The following HECTD4 variants were observed in gnomAD, a reference collection of about 807,000 sequenced individuals.
HECTD4 encodes probable E3 ubiquitin-protein ligase HECTD4.
Under a neutral mutation model 471.5 loss-of-function variants are expected in HECTD4, and 114 were observed. That is an observed-to-expected ratio of 0.24 (90% CI 0.21 to 0.28). The LOEUF is 0.28. HECTD4 is among the 10% of genes least tolerant of loss of function. The pLI is 1.00. For synonymous variants in HECTD4, 2,012 were observed against 2,256.0 expected (o/e 0.89, Z 3.07); for missense variants, 3,866 against 5,651.5 (o/e 0.68, Z 10.13).
chr12:112,300,647 GA>G (rs2035143949), intron 7 of HECTD4, among the ~76,000 whole-genome samples: 1 of 152,048 alleles, frequency 6.6e-6, no homozygotes, highest in Non-Finnish European at 1.5e-5. Context: ...ACTCATGCTG[GA>G]ATGCAGTGGT....
chr12:112,215,564 A>C (rs1314431434), intron 48 of HECTD4, among the ~76,000 whole-genome samples: 2 of 152,310 alleles, frequency 1.3e-5, no homozygotes, highest in African/African-American at 4.8e-5. Flanking sequence ...TGTCTATGTG[A>C]CTGAAACATA....
rs926638485 is a variant in HECTD4 at position 112,230,679 on chromosome 12, G to T, written c.6336+8C>A. Reference sequence around the variant, plus strand: ...ATTTTCTCAGTTGAGTAGCAACACTGCGCTAACCTTCTCTGCTGTTGTGGT... The same window carrying T: ...ATTTTCTCAGTTGAGTAGCAACACTTCGCTAACCTTCTCTGCTGTTGTGGT... On this transcript the variant is annotated splice_region_variant and intron_variant, in intron 40 of 75. Transcript: ENST00000682272. 8 of 1,606,498 alleles carry T rather than the reference G, an allele frequency of 5.0e-6. No individual in the cohort carries two copies. In the African/African-American group the frequency reaches 9.4e-5, roughly 19 times the overall value.
rs772548559 is a variant in HECTD4, at chr12:112,193,165, T to C, written c.8982A>G (p.Glu2994=). The C allele has an allele frequency of 1.2e-6, 2 of 1,613,922 alleles. No homozygotes were observed. The highest frequency in any genetic ancestry group is 3.3e-5 in the Admixed American group (2 of 60,000). The change falls in exon 58 of 76, where the codon GAA becomes GAG. Residue 2994 remains glutamate, a synonymous_variant. Coordinates refer to ENST00000682272, the MANE Select transcript of HECTD4 (RefSeq NM_001388303.1). The surrounding 1 kb of genome is among the most constrained non-coding windows in gnomAD (Gnocchi z 5.2). ...CTTTGGATTCGGAAATTGGGAACTC[T>C]TCGGAGGGGAACTGCTCTGGTGCTG... ...LQTAPEQFPS[E]EFPISESKVN...
intron 44 of HECTD4, among the ~76,000 whole-genome samples, chr12:112,223,339 C>T (rs2033149061): frequency 6.6e-6 from 1 of 152,166 alleles, no homozygotes; most frequent in Admixed American, 6.5e-5. Context: ...TTCTATGTGC[C>T]TTTTCTTCAG....
At chr12:112,250,708 T>C (rs1410402083) in intron 24 of HECTD4, among the ~76,000 whole-genome samples, 1 of 152,230 alleles carries the variant, frequency 6.6e-6, no homozygotes, top group Non-Finnish European at 1.5e-5. Context: ...ACCCATCCTC[T>C]TGGGATCATT....
At chr12:112,238,511 G>C (rs1309247537) in intron 34 of HECTD4, among the ~76,000 whole-genome samples, 1 of 152,172 alleles carries the variant, frequency 6.6e-6, no homozygotes, top group African/African-American at 2.4e-5. Flanking sequence ...CTTGAGGCCA[G>C]GAGTTTGAGA....
intron 1 of HECTD4, among the ~76,000 whole-genome samples, chr12:112,330,841 A>T (rs898426141): frequency 6.6e-6 from 1 of 152,238 alleles, no homozygotes; most frequent in African/African-American, 2.4e-5. Context: ...GATGGAAAAT[A>T]ATCCTCTCTC....
At chr12:112,258,690 T>G (rs2034080379) in intron 19 of HECTD4, 94 bp from the exon 20 acceptor site, 1 of 967,490 alleles carries the variant, frequency 1.0e-6, no homozygotes. Flanking sequence ...TTAAATCATC[T>G]TTTTACAATC....
chr12:112,269,043 T>A (rs913949137), intron 13 of HECTD4, among the ~76,000 whole-genome samples: 4 of 150,714 alleles, frequency 2.7e-5, no homozygotes, highest in Non-Finnish European at 4.4e-5. Flanking sequence ...CCCGGCTAAT[T>A]TTTGTATTTT....
At chr12:112,187,320 T>C (rs1405898864) in intron 60 of HECTD4, among the ~76,000 whole-genome samples, 1 of 152,130 alleles carries the variant, frequency 6.6e-6, no homozygotes, top group African/African-American at 2.4e-5. Flanking sequence ...TCCCAGAGCC[T>C]TTGACAGGGA....
At chr12:112,369,864 A>G (rs1235497295) in intron 1 of HECTD4, among the ~76,000 whole-genome samples, 7 of 152,224 alleles carry the variant, frequency 4.6e-5, no homozygotes, top group African/African-American at 1.7e-4. Context: ...ATCTGTACTG[A>G]AGGACTGTTT....
At chr12:112,251,248 G>A (rs2033877711) in intron 23 of HECTD4, 114 bp from the exon 24 acceptor site, 1 of 953,104 alleles carries the variant, frequency 1.0e-6, no homozygotes. Context: ...GAGCAGCATC[G>A]AGTATCACTG....
intron 4 of HECTD4, among the ~76,000 whole-genome samples, chr12:112,311,827 T>C (rs1002638563): frequency 1.1e-4 from 17 of 152,188 alleles, no homozygotes; most frequent in East Asian, 1.9e-4. Flanking sequence ...TTTAGTTCTA[T>C]ATTAAGAAGT....
chr12:112,328,950 A>T (rs992511599), intron 1 of HECTD4, among the ~76,000 whole-genome samples: 2 of 152,342 alleles, frequency 1.3e-5, no homozygotes, highest in African/African-American at 4.8e-5. Flanking sequence ...ACTTTCCCAG[A>T]TCTTCATATA....
rs143120194 is a variant in HECTD4 at position 112,295,170 on chromosome 12, T to C, written c.1335+10894A>G. On this transcript the variant is annotated intron_variant, in intron 7 of 75. Coordinates refer to ENST00000682272, the MANE Select transcript of HECTD4 (RefSeq NM_001388303.1). Reference sequence around the variant, plus strand: ...AAAAAGAGAGAGAAACAAAAATCCCTTCCCTGCTGGAGCTGACATTCTAAG... The same window carrying C: ...AAAAAGAGAGAGAAACAAAAATCCCCTCCCTGCTGGAGCTGACATTCTAAG... Among the ~76,000 whole-genome samples, 938 of 151,420 alleles carry C rather than the reference T, an allele frequency of 6.2e-3. 6 individuals carry two copies. Among genetic ancestry groups the C allele is most frequent in the Admixed American group, 6.5e-3 (99 of 15,194 alleles).
intron 45 of HECTD4, 105 bp from the exon 46 acceptor site, chr12:112,217,300 T>C (rs1407164337): frequency 9.9e-6 from 6 of 603,648 alleles, no homozygotes; most frequent in South Asian, 3.3e-5. Context: ...AATATAGGCA[T>C]ACACACACAC....
chr12:112,269,606 G>A (rs1390584424), intron 13 of HECTD4, 98 bp downstream of exon 13: 3 of 1,301,138 alleles, frequency 2.3e-6, no homozygotes, highest in Non-Finnish European at 3.2e-6. Context: ...GTGGGATGGG[G>A]TAAGAGGCAT....
intron 21 of HECTD4, among the ~76,000 whole-genome samples, chr12:112,255,517 C>A (rs1280918446): frequency 6.6e-6 from 1 of 152,096 alleles, no homozygotes; most frequent in Admixed American, 6.6e-5. Flanking sequence ...AACCTAAAAA[C>A]CTCCCCGGAT....
chr12:112,197,284 G>A (rs1566068828), intron 55 of HECTD4, among the ~76,000 whole-genome samples: 1 of 152,148 alleles, frequency 6.6e-6, no homozygotes, highest in South Asian at 2.1e-4. Flanking sequence ...TGAAGCCACT[G>A]CTGCTCTAGC....
Sources: gnomAD v4.1 joint callset for allele counts (sites outside exome capture counted in the v4.1 genomes callset) on GRCh38, gnomAD v4.1.1 for gene constraint, Gnocchi (gnomAD v3.1) non-coding constraint, MANE v1.5 for transcripts, NCBI Gene and HGNC (gene_info 2026-07-23, HGNC 2026-07-21) for gene names.